Variants in SVIL observed in about 807,000 individuals in gnomAD.
SVIL encodes the protein supervillin.
A neutral mutation model predicts 240.4 loss-of-function variants in SVIL; 101 were observed. That is an observed-to-expected ratio of 0.42 (90% CI 0.36 to 0.50). The LOEUF is 0.50. Among genes scored for constraint, SVIL ranks in the 20% least tolerant of loss-of-function variants. SVIL has a pLI of 0.01. For missense variants in SVIL, 2,512 were observed against 2,818.7 expected, an observed-to-expected ratio of 0.89 and a Z score of 2.46; for synonymous variants, 999 against 1,100.0, an observed-to-expected ratio of 0.91 and a Z score of 1.82.
intron 3 of SVIL, chr10:29,644,113 C>A: frequency 2.2e-6 from 1 of 454,918 alleles, no homozygotes; most frequent in South Asian, 1.6e-5. Context: ...CAGCAGCTCA[C>A]TGCACGAACA....
intron 17 of SVIL, among the ~76,000 whole-genome samples, chr10:29,501,637 T>C (rs1948905784): frequency 6.6e-6 from 1 of 152,236 alleles, no homozygotes; most frequent in Non-Finnish European, 1.5e-5. Context: ...CCCCTCGTGA[T>C]CGGCGAGAAG....
intron 1 of SVIL, among the ~76,000 whole-genome samples, chr10:29,582,817 C>T (rs1956006243): frequency 6.6e-6 from 1 of 152,034 alleles, no homozygotes; most frequent in African/African-American, 2.4e-5. Context: ...CATCCCAGGA[C>T]ATAAGGTGCA....
At chr10:29,683,574 G>T (rs1372135974) in intron 2 of SVIL, among the ~76,000 whole-genome samples, 7 of 152,176 alleles carry the variant, frequency 4.6e-5, no homozygotes, top group Non-Finnish European at 8.8e-5. Context: ...CATTCAGATG[G>T]CTGAGGGGCT....
At chr10:29,695,984 G>GTT (rs1961949067) in intron 1 of SVIL, among the ~76,000 whole-genome samples, 1 of 145,408 alleles carries the variant, frequency 6.9e-6, no homozygotes, top group South Asian at 2.2e-4. Flanking sequence ...CCTTTCCACG[G>GTT]TTTCCCTCTC....
chr10:29,479,528 C>T (rs77849275), intron 29 of SVIL, among the ~76,000 whole-genome samples: 17,886 of 152,222 alleles, frequency 0.12, 1,346 homozygotes, highest in East Asian at 0.19. Context: ...GTGTGCTCAG[C>T]GAGGCCCACC....
intron 2 of SVIL, among the ~76,000 whole-genome samples, chr10:29,564,756 G>A (rs1954825166): frequency 6.6e-6 from 1 of 152,096 alleles, no homozygotes; most frequent in East Asian, 1.9e-4. Context: ...CATTCCATAG[G>A]TAAGTGTGTT....
chr10:29,734,514 C>T (rs1256982126), intron 1 of SVIL, among the ~76,000 whole-genome samples: 1 of 152,214 alleles, frequency 6.6e-6, no homozygotes. Flanking sequence ...GAAATAACCT[C>T]CTGGGAAGAG....
chr10:29,679,530 C>G (rs1352205988), intron 2 of SVIL, among the ~76,000 whole-genome samples: 1 of 151,484 alleles, frequency 6.6e-6, no homozygotes, highest in Non-Finnish European at 1.5e-5. Context: ...GATTAGAAAG[C>G]CAGCCACTTT....
upstream of SVIL, among the ~76,000 whole-genome samples, chr10:29,635,976 A>T (rs190966148): frequency 6.6e-6 from 1 of 152,284 alleles, no homozygotes; most frequent in African/African-American, 2.4e-5. Context: ...GTTACTAATT[A>T]ACCCTACAGA....
At chr10:29,617,276 C>A (rs953251153) in intron 1 of SVIL, among the ~76,000 whole-genome samples, 1 of 152,174 alleles carries the variant, frequency 6.6e-6, no homozygotes, top group Non-Finnish European at 1.5e-5. Context: ...GTATTCTTTT[C>A]TGCTGTGAAC....
rs183274794 is a variant in SVIL, at chr10:29,692,636, G to T, written c.-399-5985C>A. Among the ~76,000 whole-genome samples, 16 of 149,384 alleles carry T rather than the reference G, an allele frequency of 1.1e-4. No homozygotes were observed. In the East Asian group the frequency reaches 3.1e-3, roughly 29 times the overall value. On this transcript the variant is annotated intron_variant, in intron 1 of 35. Coordinates refer to the SVIL transcript ENST00000375400. ...AATACATATAAATGCTTATTTATATGTATATATGATATATATATAAAAATA... is the reference window on the plus strand; with the variant it reads ...AATACATATAAATGCTTATTTATATTTATATATGATATATATATAAAAATA...
rs76481309 is a variant in SVIL at position 29,504,342 on chromosome 10, G to A, written c.3517-5079C>T. Among the ~76,000 whole-genome samples the A allele has an allele frequency of 4.9e-3, 742 of 152,208 alleles. 5 individuals carry two copies. Among genetic ancestry groups the A allele is most frequent in the African/African-American group, 0.017 (693 of 41,538 alleles). ...TATCCACAGAAGAAATAACTGATAA[G>A]CTGAACTTCACTGAAATTAAAGACT... On this transcript the variant is annotated intron_variant, in intron 17 of 37. Coordinates refer to ENST00000355867, the MANE Select transcript of SVIL (RefSeq NM_021738.3).
rs1951224158 is a variant in SVIL at position 29,529,796 on chromosome 10, T to C, written c.2155A>G (p.Arg719Gly). ...AGCCTCTGCTCCACAGCTGTGTTTCTTGAGCGTCGCTTTGGAACATTTTGT... is the reference window on the plus strand; with the variant it reads ...AGCCTCTGCTCCACAGCTGTGTTTCCTGAGCGTCGCTTTGGAACATTTTGT... Reference protein sequence around the residue: ...DEQNVPKRRSRNTAVEQRLRR... With the variant: ...DEQNVPKRRSGNTAVEQRLRR... The change falls in exon 12 of 38, where the codon AGA (arginine) becomes GGA (glycine). Residue 719 changes from arginine to glycine, a missense_variant. Physicochemically the swap from Arg to Gly is moderately radical, Grantham distance 125 (BLOSUM62 -2). Transcript: ENST00000355867. The C allele has an allele frequency of 6.2e-6, 10 of 1,613,580 alleles. No homozygotes were observed. The highest frequency in any genetic ancestry group is 6.8e-6 in the Non-Finnish European group (8 of 1,179,814).
At chr10:29,524,372 T>C in intron 14 of SVIL, 100 bp downstream of exon 14, 2 of 1,544,796 alleles carry the variant, frequency 1.3e-6, no homozygotes, top group East Asian at 4.5e-5. Context: ...AGTTTCCTGG[T>C]AGAGCACCTT....
At chr10:29,693,964 G>C (rs562890346) in intron 1 of SVIL, among the ~76,000 whole-genome samples, 68 of 146,494 alleles carry the variant, frequency 4.6e-4, no homozygotes, top group Middle Eastern at 3.6e-3. Flanking sequence ...TACATACATA[G>C]ATACATAGAT....
At chr10:29,639,439 G>T (rs562889580), upstream of SVIL, among the ~76,000 whole-genome samples, 3 of 149,592 alleles carry the variant, frequency 2.0e-5, no homozygotes, top group East Asian at 5.9e-4. Flanking sequence ...AAAGTGATGA[G>T]ATTACAGGCA....
chr10:29,585,085 C>T (rs1354208801), intron 1 of SVIL, among the ~76,000 whole-genome samples: 1 of 132,370 alleles, frequency 7.6e-6, no homozygotes, highest in African/African-American at 2.6e-5. Flanking sequence ...TATTCTTCTT[C>T]CTTTTTTTTT....
At chr10:29,490,491 T>C (rs1163656357) in intron 22 of SVIL, among the ~76,000 whole-genome samples, 1 of 151,340 alleles carries the variant, frequency 6.6e-6, no homozygotes, top group Non-Finnish European at 1.5e-5. Context: ...CTTGTGCCTG[T>C]AATCCCAGCA....
intron 34 of SVIL, 99 bp from the exon 35 acceptor site, chr10:29,463,734 G>T: frequency 6.7e-7 from 1 of 1,495,346 alleles, no homozygotes. Context: ...CCTCTTGACT[G>T]CAGTGTCACA....
Sources: allele counts gnomAD v4.1 joint callset (sites outside exome capture counted in the v4.1 genomes callset), GRCh38; gene constraint gnomAD v4.1.1; transcripts MANE v1.5; gene names NCBI Gene and HGNC (gene_info 2026-07-23, HGNC 2026-07-21).